The following MAML3 variants were observed in gnomAD, a reference collection of about 807,000 sequenced individuals.
MAML3 encodes mastermind-like protein 3.
Under a neutral mutation model 101.9 loss-of-function variants are expected in MAML3, and 27 were observed. The observed-to-expected ratio is 0.27, with a 90% CI of 0.20 to 0.37. The LOEUF is 0.37. Ranked by LOEUF, MAML3 falls within the 10% of genes least tolerant of loss-of-function variation. MAML3 has a pLI of 1.00. For synonymous variants in MAML3, 501 were observed against 555.9 expected (o/e 0.90, Z 1.39); for missense variants, 1,316 against 1,444.9 (o/e 0.91, Z 1.45).
chr4:139,764,381 T>C (rs1729812407), intron 2 of MAML3, among the ~76,000 whole-genome samples: 1 of 152,218 alleles, frequency 6.6e-6, no homozygotes, highest in South Asian at 2.1e-4. Context: ...CTAAACAGCA[T>C]GGACAAGGGG....
intron 2 of MAML3, among the ~76,000 whole-genome samples, chr4:139,748,869 G>A (rs560213658): frequency 6.6e-6 from 1 of 152,110 alleles, no homozygotes; most frequent in Non-Finnish European, 1.5e-5. Flanking sequence ...AACTCAACCC[G>A]GCTTTGTTTT....
At chr4:140,079,840 A>G (rs1727835643) in intron 1 of MAML3, among the ~76,000 whole-genome samples, 1 of 152,232 alleles carries the variant, frequency 6.6e-6, no homozygotes, top group African/African-American at 2.4e-5. Flanking sequence ...AGTCAGCAAT[A>G]TATTAATTTT....
chr4:140,045,253 G>C (rs922950295), intron 1 of MAML3, among the ~76,000 whole-genome samples: 3 of 152,086 alleles, frequency 2.0e-5, no homozygotes, highest in Middle Eastern at 6.3e-3. Context: ...AAATTAGATG[G>C]GCATGGTGGC....
chr4:139,758,562 C>T (rs1005482684), intron 2 of MAML3, among the ~76,000 whole-genome samples: 3 of 152,150 alleles, frequency 2.0e-5, no homozygotes, highest in Non-Finnish European at 4.4e-5. Context: ...CCTTTTAGGG[C>T]CAAGCTCTTG....
At chr4:139,830,533 G>A (rs1731145583) in intron 2 of MAML3, among the ~76,000 whole-genome samples, 1 of 149,478 alleles carries the variant, frequency 6.7e-6, no homozygotes, top group Non-Finnish European at 1.5e-5. Flanking sequence ...TCCTGCCTCA[G>A]CCTCCCAAGT....
intron 1 of MAML3, among the ~76,000 whole-genome samples, chr4:139,991,127 T>C (rs12331577): frequency 0.5 from 76,047 of 151,960 alleles, 19,492 homozygotes; most frequent in East Asian, 0.65. Context: ...AAGCTGGAGG[T>C]ATCACGCTAC....
chr4:139,762,224 T>C (rs1729772270), intron 2 of MAML3, among the ~76,000 whole-genome samples: 1 of 152,190 alleles, frequency 6.6e-6, no homozygotes, highest in Non-Finnish European at 1.5e-5. Flanking sequence ...TTCATCACTA[T>C]ATCCCCCGTG....
chr4:139,912,873 T>C (rs1732958491), intron 1 of MAML3, among the ~76,000 whole-genome samples: 1 of 152,182 alleles, frequency 6.6e-6, no homozygotes, highest in Admixed American at 6.5e-5. Flanking sequence ...TCCAGGACTG[T>C]GAGACAATCC....
Position 140,051,418 on chromosome 4 carries a change from G to A in MAML3, c.468+101442C>T, listed in dbSNP as rs371191076. ...AAAAATACAAAAAAATTAGCCAGGC[G>A]TGGTGGTACATGCCTGTAATCCCAG... On this transcript the variant is annotated intron_variant, in intron 1 of 4. Transcript: ENST00000509479. Among the ~76,000 whole-genome samples the A allele has an allele frequency of 5.3e-4, 81 of 151,930 alleles. 2 individuals carry two copies. The highest frequency in any genetic ancestry group is 1.7e-3 in the African/African-American group (72 of 41,408).
chr4:139,933,923 AGT>A (rs1261413965), intron 1 of MAML3, among the ~76,000 whole-genome samples: 1 of 151,932 alleles, frequency 6.6e-6, no homozygotes, highest in African/African-American at 2.4e-5. Flanking sequence ...TGGGATTATG[AGT>A]GTGACTGTTA....
intron 2 of MAML3, among the ~76,000 whole-genome samples, chr4:139,831,602 A>C (rs1222168299): frequency 6.6e-6 from 1 of 152,144 alleles, no homozygotes; most frequent in African/African-American, 2.4e-5. Context: ...AGTATTTCTC[A>C]CCTGACAAAG....
chr4:139,723,464 C>T (rs1321270642), intron 4 of MAML3, among the ~76,000 whole-genome samples: 2 of 152,178 alleles, frequency 1.3e-5, no homozygotes, highest in Non-Finnish European at 2.9e-5. Flanking sequence ...GCATGCGCCA[C>T]TATGCCTGGC....
At chr4:139,860,213 G>A (rs549524639) in intron 2 of MAML3, among the ~76,000 whole-genome samples, 2 of 152,366 alleles carry the variant, frequency 1.3e-5, no homozygotes, top group South Asian at 4.1e-4. Flanking sequence ...GCTTCCATGC[G>A]GATCCTGCGT....
chr4:139,870,552 A>G (rs1175454644), intron 2 of MAML3, among the ~76,000 whole-genome samples: 1 of 152,202 alleles, frequency 6.6e-6, no homozygotes, highest in Non-Finnish European at 1.5e-5. Context: ...CTAGCAATAA[A>G]TCCCATAACT....
chr4:139,983,002 C>T (rs1734473906), intron 1 of MAML3, among the ~76,000 whole-genome samples: 1 of 152,198 alleles, frequency 6.6e-6, no homozygotes, highest in Non-Finnish European at 1.5e-5. Flanking sequence ...CTTAGGTCGG[C>T]ACCTTTATCG....
At chr4:140,104,381 A>ATATATATTATATATTATATAATATAT (rs1728305329) in intron 1 of MAML3, among the ~76,000 whole-genome samples, 1 of 47,740 alleles carries the variant, frequency 2.1e-5, no homozygotes, top group African/African-American at 5.0e-5. Context: ...TATATAATAT[A>ATATATATTATATATTATATAATATAT]TATATATTAT....
chr4:139,949,749 T>C (rs991937756), intron 1 of MAML3, among the ~76,000 whole-genome samples: 2 of 152,242 alleles, frequency 1.3e-5, no homozygotes, highest in Non-Finnish European at 2.9e-5. Flanking sequence ...GAATTCCTCA[T>C]GTGATGGTTC....
chr4:139,951,003 T>C (rs1356251960), intron 1 of MAML3, among the ~76,000 whole-genome samples: 1 of 152,252 alleles, frequency 6.6e-6, no homozygotes, highest in East Asian at 1.9e-4. Context: ...TGCACGTGGG[T>C]TTGATTGTTA....
intron 1 of MAML3, among the ~76,000 whole-genome samples, chr4:140,086,902 G>A (rs1313673469): frequency 6.6e-6 from 1 of 152,248 alleles, no homozygotes; most frequent in Non-Finnish European, 1.5e-5. Flanking sequence ...GCTCACGCCT[G>A]TAATCCCAGC....
Sources: allele counts gnomAD v4.1 joint callset (sites outside exome capture counted in the v4.1 genomes callset), GRCh38; gene constraint gnomAD v4.1.1; transcripts MANE v1.5; gene names NCBI Gene and HGNC (gene_info 2026-07-23, HGNC 2026-07-21).